The following SNED1 variants were observed in gnomAD, a reference collection of about 807,000 sequenced individuals.
SNED1 encodes sushi, nidogen and EGF like domains 1, also known as sushi, nidogen and EGF-like domain-containing protein 1.
In SNED1, 81 loss-of-function variants were observed where a neutral mutation model predicts 166.7. That is an observed-to-expected ratio of 0.49 (90% CI 0.41 to 0.58). The LOEUF is 0.58. Ranked by LOEUF, SNED1 falls within the 20% of genes least tolerant of loss-of-function variation. The pLI is 0.00. For missense variants in SNED1, 1,604 were observed against 2,000.2 expected (o/e 0.80, Z 3.78); for synonymous variants, 762 against 822.0 (o/e 0.93, Z 1.25).
chr2:241,012,771 G>C (rs1222238474), intron 1 of SNED1, among the ~76,000 whole-genome samples: 1 of 151,016 alleles, frequency 6.6e-6, no homozygotes. Flanking sequence ...GAACACTTAA[G>C]ATTACTCTCT....
intron 10 of SNED1, 114 bp from the exon 11 acceptor site, chr2:241,048,908 G>A (rs2061745128): frequency 1.7e-6 from 2 of 1,198,594 alleles, no homozygotes; most frequent in African/African-American, 3.0e-5. Flanking sequence ...GGCCACAAGA[G>A]TGCCTGAACC....
In SNED1 at chr2:241,075,998, G is replaced by A. The variant is rs7582716; in HGVS notation, c.3916+2634G>A. Among the ~76,000 whole-genome samples the A allele has an allele frequency of 0.2, 31,154 of 152,042 alleles. 3,489 individuals carry two copies. The highest frequency in any genetic ancestry group is 0.3 in the East Asian group (1,559 of 5,184). ...CACATATAAAAGTAGAATTCTGGCG[G>A]CGTCAATTTGATACATCTGTGCCAA... is the stretch of plus-strand genomic sequence containing the variant. On this transcript the variant is annotated intron_variant, in intron 27 of 31. Coordinates refer to ENST00000310397, the MANE Select transcript of SNED1 (RefSeq NM_001080437.3). This position sits in a 1 kb window ranked among gnomAD's most constrained non-coding sequence, Gnocchi z 4.8.
At position 241,030,553 on chromosome 2, in the gene SNED1, A is replaced by G. The variant is rs1207260145; in HGVS notation, c.483A>G (p.Gly161=). Reference sequence around the variant, plus strand: ...CCTGGTACCGAGTGACCTTCTTTGGAGGCAGTTCCTCATCCCCTGTGAGTC... The same window carrying G: ...CCTGGTACCGAGTGACCTTCTTTGGGGGCAGTTCCTCATCCCCTGTGAGTC... The part of the protein sequence containing the change: ...VATWYRVTFF[G]GSSSSPVNTF... Residue 161 remains glycine (G), a synonymous_variant, in exon 2 of 32, where the codon GGA becomes GGG. Transcript: ENST00000310397. The G allele has an allele frequency of 3.7e-6, 6 of 1,613,552 alleles. No homozygotes were observed. The highest frequency in any genetic ancestry group is 5.1e-6 in the Non-Finnish European group (6 of 1,179,826).
Position 241,088,354 on chromosome 2 carries a change from AATT to A in SNED1, c.4206-7_4206-5del, listed in dbSNP as rs1369845127. 6.2e-7 allele frequency: 1 copy of A among 1,602,392 alleles called. No homozygotes were observed. The highest frequency in any genetic ancestry group is 8.6e-7 in the Non-Finnish European group (1 of 1,169,476). ...CTTTTTCATTAAACGACTTTTCTCT[AATT>A]ATTTCAGGAAACAAAGTAAGAGTCA... On this transcript the variant is annotated splice_region_variant and splice_polypyrimidine_tract_variant and intron_variant, in intron 30 of 31. Transcript: ENST00000310397.
At chr2:241,071,390 G>C (rs2062706859) in intron 24 of SNED1, 186 bp from the exon 25 acceptor site, 1 of 647,450 alleles carries the variant, frequency 1.5e-6, no homozygotes. Flanking sequence ...GCGGCGGGTG[G>C]GCTGGAAGGG....
At chr2:241,043,384 C>G (rs970796112) in intron 8 of SNED1, among the ~76,000 whole-genome samples, 3 of 152,176 alleles carry the variant, frequency 2.0e-5, no homozygotes, top group African/African-American at 7.2e-5. Flanking sequence ...AAAAAACCAT[C>G]AACCTAGTGT....
chr2:241,008,660 G>A lies in SNED1; in HGVS notation c.213+9610G>A, dbSNP rs545956669. On this transcript the variant is annotated intron_variant, in intron 1 of 31. Coordinates refer to ENST00000310397, the MANE Select transcript of SNED1 (RefSeq NM_001080437.3). ...CATCCATTCTCTTGTTCTTTGCAAA[G>A]CAGGGCAAGTCATTCATTCAGCCAG... Among the ~76,000 whole-genome samples, 25 of 152,368 alleles carry A rather than the reference G, an allele frequency of 1.6e-4. No individual in the cohort carries two copies. In the South Asian group the frequency reaches 5.0e-3, roughly 30 times the overall value.
intron 2 of SNED1, among the ~76,000 whole-genome samples, chr2:241,032,678 C>T (rs1396688354): frequency 3.3e-5 from 5 of 152,212 alleles, no homozygotes; most frequent in Admixed American, 6.5e-5. Context: ...TCCTTGCACC[C>T]CAGCTGTCAT....
intron 24 of SNED1, 166 bp from the exon 25 acceptor site, chr2:241,071,410 C>G: frequency 1.4e-6 from 1 of 727,454 alleles, no homozygotes; most frequent in Non-Finnish European, 2.3e-6. Flanking sequence ...GAACCCAGGG[C>G]ATCTGGGGAA....
chr2:241,064,261 G>C lies in SNED1; in HGVS notation c.2599+136G>C, dbSNP rs989144497. On this transcript the variant is annotated intron_variant, in intron 19 of 31. Transcript: ENST00000310397. The surrounding 1 kb of genome is among the most constrained non-coding windows in gnomAD (Gnocchi z 7.0). ...TCCCCGCCCTCTGCCCGCCGCCTTGGAAGTCCCCTTCTCAGGCCAGTGGCC... is the reference window on the plus strand; with the variant it reads ...TCCCCGCCCTCTGCCCGCCGCCTTGCAAGTCCCCTTCTCAGGCCAGTGGCC... The C allele has an allele frequency of 1.6e-6, 1 of 629,228 alleles. No homozygotes were observed. Among genetic ancestry groups the C allele is most frequent in the Non-Finnish European group, 2.7e-6 (1 of 373,682 alleles). The allele number at this position is 629,228 out of a possible 1,614,324, so 39.0% of individuals were successfully genotyped here.
chr2:241,094,159 T>C lies in SNED1; in HGVS notation c.*2523T>C, dbSNP rs1476182597. The C allele has an allele frequency of 8.1e-6, 3 of 370,432 alleles. No individual in the cohort carries two copies. The highest frequency in any genetic ancestry group is 2.1e-5 in the South Asian group (1 of 48,394). 22.9% of individuals were successfully genotyped at this position (370,432 alleles called of 1,614,324 possible). On this transcript the variant is annotated 3_prime_UTR_variant, in exon 32 of 32. Transcript: ENST00000310397. The surrounding 1 kb of genome is among the most constrained non-coding windows in gnomAD (Gnocchi z 4.3). Reference sequence around the variant, plus strand: ...GCCAAGCAAGGCAATAAAGACAAACTCTCCCTTTTCCCCATTGCGTGTGGG... The same window carrying C: ...GCCAAGCAAGGCAATAAAGACAAACCCTCCCTTTTCCCCATTGCGTGTGGG...
At chr2:241,055,952 T>G (rs1169393084) in intron 16 of SNED1, among the ~76,000 whole-genome samples, 2 of 152,242 alleles carry the variant, frequency 1.3e-5, no homozygotes, top group Admixed American at 1.3e-4. Flanking sequence ...GCTACTCAGC[T>G]TCGCTACCTA....
At chr2:241,023,020 G>T (rs1359901968) in intron 1 of SNED1, among the ~76,000 whole-genome samples, 2 of 151,988 alleles carry the variant, frequency 1.3e-5, no homozygotes, top group African/African-American at 4.8e-5. Flanking sequence ...CTTCATTGAT[G>T]ATTCACTTTA....
At position 241,069,366 on chromosome 2, in the gene SNED1, C is replaced by T. The variant is rs182011918; in HGVS notation, c.3307+343C>T. Among the ~76,000 whole-genome samples, 1 of 152,332 alleles carries T rather than the reference C, an allele frequency of 6.6e-6. No homozygotes were observed. The highest frequency in any genetic ancestry group is 6.5e-5 in the Admixed American group (1 of 15,306). On this transcript the variant is annotated intron_variant, in intron 23 of 31. Coordinates refer to ENST00000310397, the MANE Select transcript of SNED1 (RefSeq NM_001080437.3). This position sits in a 1 kb window ranked among gnomAD's most constrained non-coding sequence, Gnocchi z 4.9. ...CCTTGTACCTTGCAACCAGCCCCCT[C>T]TAGCTAAGCTCCCTAAGTTCCTGGT...
At position 241,048,734 on chromosome 2, in the gene SNED1, C is replaced by T; in HGVS notation, c.1472C>T (p.Pro491Leu). 2 of 1,612,520 alleles carry T rather than the reference C, an allele frequency of 1.2e-6. No individual in the cohort carries two copies. Among genetic ancestry groups the T allele is most frequent in the East Asian group, 2.2e-5 (1 of 44,840 alleles). The change falls in exon 10 of 32, where the codon CCC becomes CTC. Residue 491 changes from proline (P) to leucine (L), a missense_variant. Physicochemically the swap from Pro to Leu is moderately conservative, Grantham distance 98 (BLOSUM62 -3). Transcript: ENST00000310397. ...GCCAACACCACCCTCTGCCAGTGCCCCCTGGGATTCTTTGGGCTTCTCTGT... is the reference window on the plus strand; with the variant it reads ...GCCAACACCACCCTCTGCCAGTGCCTCCTGGGATTCTTTGGGCTTCTCTGT... The part of the protein sequence containing the change: ...LGANTTLCQC[P>L]LGFFGLLCEF...
chr2:241,020,106 A>T (rs2060726786), intron 1 of SNED1, among the ~76,000 whole-genome samples: 1 of 152,246 alleles, frequency 6.6e-6, no homozygotes, highest in South Asian at 2.1e-4. Flanking sequence ...TGCAAAAACA[A>T]AAAGAACAAA....
chr2:241,002,109 T>C (rs758622983), intron 1 of SNED1, among the ~76,000 whole-genome samples: 1 of 152,110 alleles, frequency 6.6e-6, no homozygotes, highest in Non-Finnish European at 1.5e-5. Flanking sequence ...CCTGTGACCT[T>C]TGCCTGGTCA....
rs373207689 is a variant in SNED1, at chr2:241,052,338, T to A, written c.1970-17T>A. ...CAGGGAAGACACAGTGGCCAGGACC[T>A]TCCTGCATTCTGGCAGCCCCCTCCC... On this transcript the variant is annotated splice_polypyrimidine_tract_variant and intron_variant, in intron 14 of 31. Coordinates refer to ENST00000310397, the MANE Select transcript of SNED1 (RefSeq NM_001080437.3). 11 of 1,562,100 alleles carry A rather than the reference T, an allele frequency of 7.0e-6. No homozygotes were observed. The African/African-American group carries it at 1.5e-4, about 21-fold the overall frequency.
At chr2:241,001,203 C>T (rs963043826) in intron 1 of SNED1, among the ~76,000 whole-genome samples, 3 of 152,372 alleles carry the variant, frequency 2.0e-5, no homozygotes, top group South Asian at 2.1e-4. Flanking sequence ...TGCGCTCCTC[C>T]GCCCCCAGCC....
Sources: gnomAD v4.1 joint callset for allele counts (sites outside exome capture counted in the v4.1 genomes callset) on GRCh38, gnomAD v4.1.1 for gene constraint, Gnocchi (gnomAD v3.1) non-coding constraint, MANE v1.5 for transcripts, NCBI Gene and HGNC (gene_info 2026-07-23, HGNC 2026-07-21) for gene names.